TENM2: variants seen among roughly 807,000 people sequenced by gnomAD.
TENM2 encodes the protein teneurin-2.
In TENM2, 52 loss-of-function variants were observed where a neutral mutation model predicts 245.2. The ratio of observed to expected loss-of-function variants is 0.21; its 90% CI spans 0.17 to 0.27. The LOEUF (loss-of-function observed/expected upper bound fraction) is 0.27, where lower values mean the gene tolerates loss of function less well. Among genes scored for constraint, TENM2 ranks in the 10% least tolerant of loss-of-function variants. The pLI, the probability that TENM2 is intolerant of heterozygous loss-of-function variation, is 1.00. For missense variants in TENM2, 3,046 were observed against 3,666.8 expected (o/e 0.83, Z 4.37); for synonymous variants, 1,363 against 1,438.9 (o/e 0.95, Z 1.19).
At chr5:167,388,446 G>A (rs1208908463) in intron 2 of TENM2, among the ~76,000 whole-genome samples, 6 of 151,800 alleles carry the variant, frequency 4.0e-5, no homozygotes, top group African/African-American at 7.3e-5. Context: ...ATTCATCTCT[G>A]CAAAGAACCA....
intron 2 of TENM2, among the ~76,000 whole-genome samples, chr5:167,690,921 GTA>G (rs1475532024): frequency 0.04 from 2,308 of 57,002 alleles, 57 homozygotes; most frequent in East Asian, 0.38. Context: ...GTATATGCGA[GTA>G]TGTGTGTGTG....
chr5:167,821,490 CTGT>C lies in TENM2; in HGVS notation c.503-54487_503-54485del, dbSNP rs142816247. On this transcript the variant is annotated intron_variant, in intron 2 of 28. Transcript: ENST00000518659. ...ACTTGTCCTTTTGGGGGATGGTTCT[CTGT>C]TGTTGTTGGTTTGACAATTATGGGA... Among the ~76,000 whole-genome samples the C allele has an allele frequency of 5.5e-3, 834 of 152,180 alleles. 3 individuals are homozygous for C. Among genetic ancestry groups the C allele is most frequent in the Non-Finnish European group, 8.9e-3 (606 of 68,010 alleles).
the TENM2 span, among the ~76,000 whole-genome samples, chr5:167,028,383 C>T: frequency 2.0e-5 from 3 of 152,006 alleles, no homozygotes; most frequent in Admixed American, 1.3e-4. Context: ...TAAGGATATA[C>T]ATATACATTA....
intron 5 of TENM2, among the ~76,000 whole-genome samples, chr5:167,999,023 C>T (rs956130260): frequency 7.2e-5 from 11 of 152,140 alleles, no homozygotes; most frequent in Non-Finnish European, 1.5e-4. Flanking sequence ...TCTCACTGAA[C>T]AGAGCAGGTT....
At chr5:167,577,424 C>T (rs976607598) in intron 2 of TENM2, among the ~76,000 whole-genome samples, 2 of 152,078 alleles carry the variant, frequency 1.3e-5, no homozygotes, top group Non-Finnish European at 2.9e-5. Context: ...GTGTGAAATG[C>T]TCCATAGGAT....
chr5:167,546,650 T>C (rs1447114643), intron 2 of TENM2, among the ~76,000 whole-genome samples: 1 of 152,152 alleles, frequency 6.6e-6, no homozygotes, highest in Non-Finnish European at 1.5e-5. Context: ...CTGCATTTGA[T>C]AGTCTCATGA....
At chr5:167,788,162 G>A (rs1294832233) in intron 2 of TENM2, among the ~76,000 whole-genome samples, 1 of 152,122 alleles carries the variant, frequency 6.6e-6, no homozygotes, top group African/African-American at 2.4e-5. Context: ...TCAGAAAATG[G>A]GTTCAGATCC....
intron 2 of TENM2, among the ~76,000 whole-genome samples, chr5:167,702,791 A>G (rs917855279): frequency 6.6e-6 from 1 of 151,894 alleles, no homozygotes; most frequent in Non-Finnish European, 1.5e-5. Context: ...CAGCCTCCCA[A>G]GTAGCTGGGA....
the TENM2 span, among the ~76,000 whole-genome samples, chr5:167,141,913 C>T: frequency 6.6e-6 from 1 of 152,034 alleles, no homozygotes; most frequent in South Asian, 2.1e-4. Flanking sequence ...TTAATTGTGT[C>T]AATAATTATT....
the TENM2 span, among the ~76,000 whole-genome samples, chr5:167,076,967 A>G: frequency 7.2e-5 from 11 of 152,040 alleles, no homozygotes; most frequent in Non-Finnish European, 1.5e-4. Context: ...CAGCCTCCCA[A>G]GGCATGCACC....
intron 4 of TENM2, among the ~76,000 whole-genome samples, chr5:167,977,960 G>A (rs1181215464): frequency 6.6e-6 from 1 of 152,082 alleles, no homozygotes; most frequent in Non-Finnish European, 1.5e-5. Context: ...CTTCCTCCCG[G>A]TAATGAATAA....
intron 2 of TENM2, among the ~76,000 whole-genome samples, chr5:167,485,660 A>G (rs1051069748): frequency 2.6e-5 from 4 of 152,110 alleles, no homozygotes; most frequent in African/African-American, 9.7e-5. Context: ...CAGTGGGTTG[A>G]AGAACAAAAC....
chr5:167,998,206 AT>A (rs1180816251), intron 5 of TENM2, among the ~76,000 whole-genome samples: 2 of 152,114 alleles, frequency 1.3e-5, no homozygotes, highest in African/African-American at 4.8e-5. Context: ...TTTGTCCTCA[AT>A]CTTTGATTAT....
chr5:167,791,532 A>T (rs1764976044), intron 2 of TENM2, among the ~76,000 whole-genome samples: 1 of 126,304 alleles, frequency 7.9e-6, no homozygotes, highest in South Asian at 2.6e-4. Context: ...TATATAATGT[A>T]TATTTTTATA....
chr5:168,203,358 A>C (rs570339025), intron 17 of TENM2, among the ~76,000 whole-genome samples: 1 of 152,340 alleles, frequency 6.6e-6, no homozygotes, highest in Admixed American at 6.5e-5. Context: ...CCATCTCTAA[A>C]GGGGAATTGT....
chr5:167,688,938 A>G (rs531943686), intron 2 of TENM2, among the ~76,000 whole-genome samples: 109 of 151,894 alleles, frequency 7.2e-4, no homozygotes, highest in Non-Finnish European at 1.4e-3. Context: ...AAATGCTGAC[A>G]GAACATTTTT....
chr5:167,273,740 A>G, the TENM2 span, among the ~76,000 whole-genome samples: 1 of 152,192 alleles, frequency 6.6e-6, no homozygotes, highest in African/African-American at 2.4e-5. Context: ...AAATAAATAA[A>G]GAAGCCTCGC....
At chr5:167,552,816 G>T (rs1403998473) in intron 2 of TENM2, among the ~76,000 whole-genome samples, 1 of 152,168 alleles carries the variant, frequency 6.6e-6, no homozygotes, top group African/African-American at 2.4e-5. Flanking sequence ...TAATGGCATT[G>T]CCCCTCATGG....
intron 25 of TENM2, among the ~76,000 whole-genome samples, chr5:168,241,421 AT>A (rs752333194): frequency 0.025 from 3,340 of 133,056 alleles, 104 homozygotes; most frequent in African/African-American, 0.076. Flanking sequence ...TGCTTGGCTA[AT>A]TTTTTTTTTT....
Sources: allele counts gnomAD v4.1 joint callset (sites outside exome capture counted in the v4.1 genomes callset), GRCh38; gene constraint gnomAD v4.1.1; transcripts MANE v1.5; gene names NCBI Gene and HGNC (gene_info 2026-07-23, HGNC 2026-07-21).